Variants in ABI1 observed in about 807,000 individuals in gnomAD.
ABI1 encodes the protein abl interactor 1.
A neutral mutation model predicts 54.6 loss-of-function variants in ABI1; 14 were observed. That is an observed-to-expected ratio of 0.26 (90% CI 0.17 to 0.40). The LOEUF (loss-of-function observed/expected upper bound fraction) is 0.40. Among genes scored for constraint, ABI1 ranks in the 10% least tolerant of loss-of-function variants. The pLI, the probability that ABI1 is intolerant of heterozygous loss-of-function variation, is 1.00. For missense variants in ABI1, 443 were observed against 598.3 expected (o/e 0.74, Z 2.71); for synonymous variants, 194 against 209.3 (o/e 0.93, Z 0.63).
intron 3 of ABI1, among the ~76,000 whole-genome samples, chr10:26,773,281 A>G (rs1373824232): frequency 7.1e-6 from 1 of 139,884 alleles, no homozygotes; most frequent in Non-Finnish European, 1.5e-5. Flanking sequence ...GGCTCACTGC[A>G]ACCTCTGCCT....
intron 1 of ABI1, among the ~76,000 whole-genome samples, chr10:26,830,622 T>A (rs770538780): frequency 7.4e-6 from 1 of 134,822 alleles, no homozygotes; most frequent in Admixed American, 7.3e-5. Flanking sequence ...CCCTGTCTCC[T>A]TTAAAAAAAA....
rs1312302214 is a variant in ABI1, at chr10:26,747,552, C to T, written c.*1018G>A. ...TACTTTTAACTTCCTTTCATTGAAC[C>T]AGTGTACAACAGTTCACTGTACAAC... is the stretch of plus-strand genomic sequence containing the variant. On this transcript the variant is annotated 3_prime_UTR_variant, in exon 11 of 11. Coordinates refer to ENST00000376140, the MANE Select transcript of ABI1 (RefSeq NM_001012750.3). 10 of 202,954 alleles carry T rather than the reference C, an allele frequency of 4.9e-5. No individual in the cohort carries two copies. In the East Asian group the frequency reaches 7.6e-4, roughly 15 times the overall value. 12.6% of individuals were successfully genotyped at this position (202,954 alleles called of 1,614,324 possible).
chr10:26,805,450 C>T (rs1048742788), intron 2 of ABI1, among the ~76,000 whole-genome samples: 11 of 150,664 alleles, frequency 7.3e-5, no homozygotes, highest in Non-Finnish European at 1.6e-4. Context: ...AGTTTTTATT[C>T]TAAGGTTAAT....
At chr10:26,857,767 T>C (rs543843565) in intron 1 of ABI1, among the ~76,000 whole-genome samples, 25 of 150,324 alleles carry the variant, frequency 1.7e-4, no homozygotes, top group Admixed American at 1.5e-3. Flanking sequence ...GAGGACTGCT[T>C]GAGCCCAGGA....
Position 26,860,876 on chromosome 10 carries a change from T to A in ABI1, c.-13A>T. On this transcript the variant is annotated 5_prime_UTR_variant, in exon 1 of 11. Coordinates refer to ENST00000376140, the MANE Select transcript of ABI1 (RefSeq NM_001012750.3). This position sits in a 1 kb window ranked among gnomAD's most constrained non-coding sequence, Gnocchi z 4.1. ...GCAGCTCTGCCATTTTCCACCCCTC[T>A]GCATCGCTTCCTCTCGCGTTAAAGA... is the stretch of plus-strand genomic sequence containing the variant. 1 of 1,609,950 alleles carries A rather than the reference T, an allele frequency of 6.2e-7. No individual in the cohort carries two copies. The highest frequency in any genetic ancestry group is 8.5e-7 in the Non-Finnish European group (1 of 1,176,332).
At chr10:26,859,369 A>C (rs2051111643) in intron 1 of ABI1, among the ~76,000 whole-genome samples, 1 of 152,264 alleles carries the variant, frequency 6.6e-6, no homozygotes, top group Non-Finnish European at 1.5e-5. Context: ...AAAGAGGGGA[A>C]GCATTTGCCA....
At chr10:26,786,161 T>C (rs527258711) in intron 2 of ABI1, among the ~76,000 whole-genome samples, 1 of 152,312 alleles carries the variant, frequency 6.6e-6, no homozygotes, top group African/African-American at 2.4e-5. Flanking sequence ...GATACAATCA[T>C]TGATTCATTG....
chr10:26,778,498 GAA>G (rs79625616), intron 2 of ABI1, among the ~76,000 whole-genome samples: 5 of 76,172 alleles, frequency 6.6e-5, no homozygotes, highest in African/African-American at 9.0e-5. Flanking sequence ...GTAGGAAAAA[GAA>G]AAAAAAAAAA....
chr10:26,841,063 C>T (rs147663264), intron 1 of ABI1, among the ~76,000 whole-genome samples: 1 of 152,314 alleles, frequency 6.6e-6, no homozygotes, highest in East Asian at 1.9e-4. Flanking sequence ...CCATTCCTTA[C>T]ATATCATCTA....
At chr10:26,776,101 C>A (rs1412282005) in intron 3 of ABI1, among the ~76,000 whole-genome samples, 2 of 152,170 alleles carry the variant, frequency 1.3e-5, no homozygotes, top group Non-Finnish European at 2.9e-5. Context: ...CAAGCAGTCA[C>A]CTCTGCATTT....
intron 2 of ABI1, among the ~76,000 whole-genome samples, chr10:26,806,986 CT>C (rs1024907438): frequency 7.9e-5 from 12 of 152,236 alleles, no homozygotes; most frequent in African/African-American, 2.6e-4. Flanking sequence ...AATTGATTAT[CT>C]TTTTTTCTTG....
chr10:26,810,202 C>A (rs1044960594), intron 2 of ABI1, among the ~76,000 whole-genome samples: 1 of 152,094 alleles, frequency 6.6e-6, no homozygotes. Flanking sequence ...TACTGCAGTA[C>A]CCCACTGGTG....
chr10:26,748,388 T>C lies in ABI1; in HGVS notation c.*182A>G. 1 of 501,046 alleles carries C rather than the reference T, an allele frequency of 2.0e-6. No individual in the cohort carries two copies. The highest frequency in any genetic ancestry group is 3.5e-6 in the Non-Finnish European group (1 of 285,406). The allele number at this position is 501,046 out of a possible 1,614,324, so 31.0% of individuals were successfully genotyped here. A position where few individuals can be genotyped will look rare whatever the true frequency, so the allele number is the denominator to read the frequency against. ...GGACAGCTTCTTGTATAAATTGCTA[T>C]TCAGCAATACATAAACTGCCTCAAA... On this transcript the variant is annotated 3_prime_UTR_variant, in exon 11 of 11. Coordinates refer to ENST00000376140, the MANE Select transcript of ABI1 (RefSeq NM_001012750.3).
At chr10:26,805,652 T>C (rs2046832719) in intron 2 of ABI1, among the ~76,000 whole-genome samples, 2 of 152,182 alleles carry the variant, frequency 1.3e-5, no homozygotes, top group African/African-American at 4.8e-5. Context: ...GCCAGCTGTT[T>C]ACCCTAAAAG....
intron 2 of ABI1, among the ~76,000 whole-genome samples, chr10:26,820,588 C>CTTT (rs34548409): frequency 7.2e-6 from 1 of 138,528 alleles, no homozygotes. Flanking sequence ...AGCTAATGCA[C>CTTT]TTTTTTTTTT....
Position 26,860,882 on chromosome 10 carries a change from G to T in ABI1, c.-19C>A, listed in dbSNP as rs1461214262. 1 of 1,604,366 alleles carries T rather than the reference G, an allele frequency of 6.2e-7. No individual in the cohort carries two copies. The highest frequency in any genetic ancestry group is 8.5e-7 in the Non-Finnish European group (1 of 1,171,554). ...CTGCCATTTTCCACCCCTCTGCATCGCTTCCTCTCGCGTTAAAGAGACAGA... is the reference window on the plus strand; with the variant it reads ...CTGCCATTTTCCACCCCTCTGCATCTCTTCCTCTCGCGTTAAAGAGACAGA... On this transcript the variant is annotated 5_prime_UTR_variant, in exon 1 of 11. Transcript: ENST00000376140. The surrounding 1 kb of genome is among the most constrained non-coding windows in gnomAD (Gnocchi z 4.1).
chr10:26,753,173 T>C (rs1242358755), intron 9 of ABI1, among the ~76,000 whole-genome samples: 1 of 152,222 alleles, frequency 6.6e-6, no homozygotes, highest in Non-Finnish European at 1.5e-5. Flanking sequence ...TCTCGAGGGA[T>C]GAAAGGGCTA....
chr10:26,806,230 T>C (rs2046868283), intron 2 of ABI1, among the ~76,000 whole-genome samples: 1 of 152,180 alleles, frequency 6.6e-6, no homozygotes, highest in South Asian at 2.1e-4. Context: ...AAATCAACAT[T>C]GTCCAGTTGT....
intron 3 of ABI1, 157 bp downstream of exon 3, chr10:26,776,908 C>A (rs1841472280): frequency 1.5e-6 from 1 of 654,082 alleles, no homozygotes; most frequent in African/African-American, 1.8e-5. Flanking sequence ...TAAAATTGCA[C>A]CCCAACCTTA....
Sources: allele counts gnomAD v4.1 joint callset (sites outside exome capture counted in the v4.1 genomes callset), GRCh38; gene constraint gnomAD v4.1.1; non-coding constraint Gnocchi (gnomAD v3.1); transcripts MANE v1.5; gene names NCBI Gene and HGNC (gene_info 2026-07-23, HGNC 2026-07-21).